Variants in DNAJC11 observed in about 807,000 individuals in gnomAD.
The protein encoded by DNAJC11 is DnaJ heat shock protein family (Hsp40) member C11.
Under a neutral mutation model 78.6 loss-of-function variants are expected in DNAJC11, and 15 were observed. That is an observed-to-expected ratio of 0.19 (90% CI 0.13 to 0.29). DNAJC11 has a LOEUF of 0.29. Ranked by LOEUF, DNAJC11 falls within the 10% of genes least tolerant of loss-of-function variation. DNAJC11 has a pLI of 1.00. For missense variants in DNAJC11, 547 were observed against 709.6 expected (o/e 0.77, Z 2.60); for synonymous variants, 292 against 272.1 (o/e 1.07, Z -0.72).
intron 1 of DNAJC11, among the ~76,000 whole-genome samples, chr1:6,682,163 CAAAAAAAA>C (rs60985504): frequency 1.1e-5 from 1 of 94,074 alleles, no homozygotes; most frequent in African/African-American, 4.3e-5. Flanking sequence ...ACCATAATTA[CAAAAAAAA>C]AAAAAAAAAA....
At chr1:6,661,908 A>C (rs1422734041) in intron 4 of DNAJC11, among the ~76,000 whole-genome samples, 1 of 152,180 alleles carries the variant, frequency 6.6e-6, no homozygotes, top group Non-Finnish European at 1.5e-5. Context: ...TTTGGCATTT[A>C]AAAATATTTT....
Position 6,634,804 on chromosome 1 carries a change from G to C in DNAJC11, c.*871C>G, listed in dbSNP as rs775936079. 1 of 1,286,334 alleles carries C rather than the reference G, an allele frequency of 7.8e-7. No homozygotes were observed. Among genetic ancestry groups the C allele is most frequent in the South Asian group, 1.3e-5 (1 of 77,384 alleles). The allele number at this position is 1,286,334 out of a possible 1,614,324, so 79.7% of individuals were successfully genotyped here. On this transcript the variant is annotated 3_prime_UTR_variant, in exon 16 of 16. Coordinates refer to ENST00000377577, the MANE Select transcript of DNAJC11 (RefSeq NM_018198.4). Reference sequence around the variant, plus strand: ...TGCCACCTGCTGGGTACCACGGGCCGGGCCTGGGGTCCACGCCTTTGGGTT... The same window carrying C: ...TGCCACCTGCTGGGTACCACGGGCCCGGCCTGGGGTCCACGCCTTTGGGTT...
chr1:6,651,737 T>C (rs1431124907), intron 6 of DNAJC11, 135 bp from the exon 7 acceptor site: 3 of 675,060 alleles, frequency 4.4e-6, no homozygotes, highest in Non-Finnish European at 7.8e-6. Context: ...AAGAAGGGGG[T>C]GGAAGATTGT....
At chr1:6,693,072 A>T (rs1338436327) in intron 1 of DNAJC11, among the ~76,000 whole-genome samples, 1 of 141,564 alleles carries the variant, frequency 7.1e-6, no homozygotes, top group Non-Finnish European at 1.5e-5. Flanking sequence ...CACCCGGCTA[A>T]TTTTTTTTTT....
chr1:6,663,727 C>T (rs541688168), intron 4 of DNAJC11, among the ~76,000 whole-genome samples: 23 of 152,272 alleles, frequency 1.5e-4, no homozygotes, highest in African/African-American at 5.1e-4. Flanking sequence ...CACTGGGACC[C>T]CAGCAACCCA....
intron 1 of DNAJC11, among the ~76,000 whole-genome samples, chr1:6,686,592 A>G (rs1332366684): frequency 6.6e-6 from 1 of 152,112 alleles, no homozygotes; most frequent in African/African-American, 2.4e-5. Flanking sequence ...GAAGTGACAC[A>G]CCTCACTTCC....
chr1:6,668,197 C>G (rs1431834362), intron 3 of DNAJC11: 1 of 177,086 alleles, frequency 5.6e-6, no homozygotes, highest in Non-Finnish European at 1.2e-5. Flanking sequence ...AAGTGCCGTG[C>G]ATTATCTCAG....
At chr1:6,668,136 CTTTCT>C (rs1642319951) in intron 3 of DNAJC11, 4 of 277,108 alleles carry the variant, frequency 1.4e-5, no homozygotes, top group Admixed American at 4.8e-5. Flanking sequence ...TTATGAATTT[CTTTCT>C]TTTTTTTCTT....
chr1:6,689,347 G>A (rs181002642), intron 1 of DNAJC11, among the ~76,000 whole-genome samples: 145 of 152,340 alleles, frequency 9.5e-4, no homozygotes, highest in African/African-American at 3.3e-3. Flanking sequence ...CAGTTACTGA[G>A]TATGAAATGG....
intron 1 of DNAJC11, among the ~76,000 whole-genome samples, chr1:6,690,401 G>A (rs998360310): frequency 1.6e-4 from 25 of 152,164 alleles, no homozygotes; most frequent in African/African-American, 5.6e-4. Flanking sequence ...AAAACTGTCT[G>A]GATTTTCTGG....
At chr1:6,696,071 C>CT (rs917004476) in intron 1 of DNAJC11, among the ~76,000 whole-genome samples, 1 of 152,190 alleles carries the variant, frequency 6.6e-6, no homozygotes, top group African/African-American at 2.4e-5. Context: ...AGCCTCTTGG[C>CT]TTACAGAACA....
At chr1:6,679,593 C>T (rs982733983) in intron 2 of DNAJC11, among the ~76,000 whole-genome samples, 1 of 152,162 alleles carries the variant, frequency 6.6e-6, no homozygotes, top group Admixed American at 6.5e-5. Flanking sequence ...TATGCATAAT[C>T]AAATCTAACG....
intron 4 of DNAJC11, among the ~76,000 whole-genome samples, chr1:6,654,876 G>A (rs956151273): frequency 1.3e-5 from 2 of 151,152 alleles, no homozygotes; most frequent in Non-Finnish European, 2.9e-5. Context: ...TTGGCTCACT[G>A]CAACCTCCGC....
chr1:6,668,671 G>A (rs1362218309), intron 3 of DNAJC11, among the ~76,000 whole-genome samples: 1 of 151,654 alleles, frequency 6.6e-6, no homozygotes, highest in Non-Finnish European at 1.5e-5. Context: ...TGGCCTCAAA[G>A]GATCCTCCCA....
At chr1:6,700,520 G>C (rs981455032) in intron 1 of DNAJC11, among the ~76,000 whole-genome samples, 1 of 152,284 alleles carries the variant, frequency 6.6e-6, no homozygotes, top group Non-Finnish European at 1.5e-5. Flanking sequence ...CAGACTGCCT[G>C]GGTTGAGTTC....
At chr1:6,661,981 G>A (rs1642220755) in intron 4 of DNAJC11, among the ~76,000 whole-genome samples, 1 of 152,098 alleles carries the variant, frequency 6.6e-6, no homozygotes, top group South Asian at 2.1e-4. Context: ...ACCCAGGCTG[G>A]AGTACATCTT....
chr1:6,641,389 AAAT>A (rs1240994957), intron 10 of DNAJC11, among the ~76,000 whole-genome samples: 11 of 95,292 alleles, frequency 1.2e-4, no homozygotes, highest in African/African-American at 2.3e-4. Context: ...AAAAAAAAAA[AAAT>A]ATATATATAT....
intron 11 of DNAJC11, 31 bp downstream of exon 11, chr1:6,639,871 C>G (rs1366017509): frequency 6.2e-7 from 1 of 1,604,608 alleles, no homozygotes; most frequent in Non-Finnish European, 8.5e-7. Context: ...ACAGGGCTGG[C>G]TAGTGACATG....
In DNAJC11 at chr1:6,645,969, T is replaced by C; in HGVS notation, c.714A>G (p.Thr238=). 1 of 1,614,058 alleles carries C rather than the reference T, an allele frequency of 6.2e-7. No individual in the cohort carries two copies. The highest frequency in any genetic ancestry group is 8.5e-7 in the Non-Finnish European group (1 of 1,179,972). ...FRNLTPRCFV[T]TNCALQFSSR... is the part of the protein sequence containing the mutation. ...ATGAAAACTGCAGAGCACAGTTTGT[T>C]GTCACAAAGCTGGAGAGACACAGAG... Residue 238 remains threonine (T), a synonymous_variant, in exon 8 of 16, where the codon ACA becomes ACG. Coordinates refer to ENST00000377577, the MANE Select transcript of DNAJC11 (RefSeq NM_018198.4). The surrounding 1 kb of genome is among the most constrained non-coding windows in gnomAD (Gnocchi z 4.1).
Sources: allele counts gnomAD v4.1 joint callset (sites outside exome capture counted in the v4.1 genomes callset), GRCh38; gene constraint gnomAD v4.1.1; non-coding constraint Gnocchi (gnomAD v3.1); transcripts MANE v1.5; gene names NCBI Gene and HGNC (gene_info 2026-07-23, HGNC 2026-07-21).